The following EPHA4 variants were observed in gnomAD, a reference collection of about 807,000 sequenced individuals.
EPHA4 encodes EPH receptor A4.
In EPHA4, 19 loss-of-function variants were observed where a neutral mutation model predicts 108.3. That is an observed-to-expected ratio of 0.18 (90% CI 0.12 to 0.26). The LOEUF is 0.26. EPHA4 is among the 10% of genes least tolerant of loss of function. The probability of loss-of-function intolerance (pLI) is 1.00; values close to 1 mark genes in which losing one functional copy is unlikely to be tolerated. For synonymous variants in EPHA4, 449 were observed against 455.5 expected, an observed-to-expected ratio of 0.99 and a Z score of 0.18; for missense variants, 917 against 1,254.0, an observed-to-expected ratio of 0.73 and a Z score of 4.06.
In EPHA4 at chr2:221,461,005, T is replaced by A. The variant is rs568505453; in HGVS notation, c.1319-3015A>T. On this transcript the variant is annotated intron_variant, in intron 5 of 17. Coordinates refer to ENST00000281821, the MANE Select transcript of EPHA4 (RefSeq NM_004438.5). ...ATGAAACCCTATAATTACTTGAAAT[T>A]AAATGAACATTGCATGTAAATAAAA... 9.2e-5 allele frequency among the ~76,000 whole-genome samples: 14 copies of A among 152,330 alleles called. 1 individual carries two copies. In the South Asian group the frequency reaches 2.9e-3, roughly 32 times the overall value.
intron 8 of EPHA4, among the ~76,000 whole-genome samples, chr2:221,452,597 G>A (rs551696631): frequency 8.5e-5 from 13 of 152,248 alleles, no homozygotes; most frequent in Non-Finnish European, 1.8e-4. Flanking sequence ...ACAGCTTTAC[G>A]GCCGACACTA....
At chr2:221,481,236 T>A (rs1346989562) in intron 5 of EPHA4, among the ~76,000 whole-genome samples, 1 of 152,170 alleles carries the variant, frequency 6.6e-6, no homozygotes, top group Admixed American at 6.5e-5. Context: ...ATTAACTCAG[T>A]AGAAACACTT....
intron 8 of EPHA4, among the ~76,000 whole-genome samples, chr2:221,454,562 T>C (rs1690881715): frequency 6.6e-6 from 1 of 152,142 alleles, no homozygotes; most frequent in Non-Finnish European, 1.5e-5. Flanking sequence ...GGCTTAGCCC[T>C]TTTTTTCACC....
At chr2:221,503,499 A>T (rs889253307) in intron 3 of EPHA4, among the ~76,000 whole-genome samples, 5 of 152,230 alleles carry the variant, frequency 3.3e-5, no homozygotes, top group Non-Finnish European at 7.3e-5. Flanking sequence ...AACCTGTTTT[A>T]TATATTATGT....
intron 16 of EPHA4, 123 bp from the exon 17 acceptor site, chr2:221,426,265 G>T (rs1207233350): frequency 9.8e-7 from 1 of 1,024,986 alleles, no homozygotes; most frequent in Non-Finnish European, 1.5e-6. Context: ...CAAGGCAGGT[G>T]TATTAAAATG....
chr2:221,558,242 G>A (rs867170883), intron 3 of EPHA4, among the ~76,000 whole-genome samples: 1 of 152,106 alleles, frequency 6.6e-6, no homozygotes, highest in Non-Finnish European at 1.5e-5. Context: ...TGTGAAAAAT[G>A]GTAACTTGTA....
chr2:221,538,933 T>C (rs1444475370), intron 3 of EPHA4, among the ~76,000 whole-genome samples: 1 of 152,214 alleles, frequency 6.6e-6, no homozygotes, highest in Non-Finnish European at 1.5e-5. Context: ...TTAGGTGCTA[T>C]AGTGAATGCA....
intron 2 of EPHA4, among the ~76,000 whole-genome samples, chr2:221,568,506 C>T (rs565291106): frequency 6.6e-6 from 1 of 152,088 alleles, no homozygotes; most frequent in Non-Finnish European, 1.5e-5. Flanking sequence ...TTTTGAAACC[C>T]CTTTCTGCCC....
chr2:221,508,586 GAAAA>G (rs10717814), intron 3 of EPHA4, among the ~76,000 whole-genome samples: 1 of 131,220 alleles, frequency 7.6e-6, no homozygotes, highest in Admixed American at 7.7e-5. Context: ...CTCAAAACAG[GAAAA>G]AAAAAAAAAA....
intron 3 of EPHA4, among the ~76,000 whole-genome samples, chr2:221,532,192 G>C (rs938322602): frequency 6.6e-6 from 1 of 151,676 alleles, no homozygotes; most frequent in Non-Finnish European, 1.5e-5. Context: ...GCATGATCTT[G>C]GCTCACTGCA....
At chr2:221,469,180 T>G (rs1293212887) in intron 5 of EPHA4, among the ~76,000 whole-genome samples, 1 of 152,208 alleles carries the variant, frequency 6.6e-6, no homozygotes, top group Admixed American at 6.5e-5. Flanking sequence ...GTTTTGAAAT[T>G]TATGTTGATA....
chr2:221,529,685 T>C (rs1431668068), intron 3 of EPHA4, among the ~76,000 whole-genome samples: 1 of 152,224 alleles, frequency 6.6e-6, no homozygotes, highest in African/African-American at 2.4e-5. Context: ...CTGAAGGGCA[T>C]AAGCTTGCTC....
At chr2:221,433,481 T>C (rs556289173) in intron 14 of EPHA4, among the ~76,000 whole-genome samples, 44 of 152,318 alleles carry the variant, frequency 2.9e-4, no homozygotes, top group African/African-American at 1.0e-3. Context: ...GGAAGACCCC[T>C]TGATCAATGC....
At chr2:221,465,830 G>C (rs1559252825) in intron 5 of EPHA4, among the ~76,000 whole-genome samples, 1 of 152,294 alleles carries the variant, frequency 6.6e-6, no homozygotes, top group African/African-American at 2.4e-5. Context: ...CCATTGAACT[G>C]GCATTTGGGG....
chr2:221,453,940 G>A (rs187299026), intron 8 of EPHA4, among the ~76,000 whole-genome samples: 1 of 152,224 alleles, frequency 6.6e-6, no homozygotes, highest in East Asian at 1.9e-4. Flanking sequence ...ACTTTGGGAG[G>A]CCGAGGCAGG....
At chr2:221,441,059 G>A (rs540678498) in intron 11 of EPHA4, among the ~76,000 whole-genome samples, 14 of 152,218 alleles carry the variant, frequency 9.2e-5, no homozygotes, top group African/African-American at 3.4e-4. Context: ...TCTTATGTTT[G>A]AGGACCCCTG....
intron 5 of EPHA4, among the ~76,000 whole-genome samples, chr2:221,464,442 G>A (rs563439814): frequency 1.1e-4 from 17 of 152,060 alleles, no homozygotes; most frequent in Non-Finnish European, 2.1e-4. Context: ...TAAGGGTTTC[G>A]CGTCTCTGAG....
In EPHA4 at chr2:221,446,188, A is replaced by C; in HGVS notation, c.1716-7T>G. The C allele has an allele frequency of 6.7e-7, 1 of 1,490,448 alleles. No homozygotes were observed. The highest frequency in any genetic ancestry group is 8.9e-7 in the Non-Finnish European group (1 of 1,118,694). 92.3% of individuals were successfully genotyped at this position (1,490,448 alleles called of 1,614,324 possible). ...TTTACTGTATTTACTCCGTCTATTA[A>C]AATTTTTTTAAAAAAGAGAATTATT... On this transcript the variant is annotated splice_region_variant and splice_polypyrimidine_tract_variant and intron_variant, in intron 8 of 17. Transcript: ENST00000281821.
intron 16 of EPHA4, 64 bp from the exon 17 acceptor site, chr2:221,426,206 G>A: frequency 1.4e-6 from 2 of 1,421,366 alleles, no homozygotes; most frequent in South Asian, 2.3e-5. Flanking sequence ...TCTTTTCTTG[G>A]GCTTCATGCA....
Sources: gnomAD v4.1 joint callset for allele counts (sites outside exome capture counted in the v4.1 genomes callset) on GRCh38, gnomAD v4.1.1 for gene constraint, MANE v1.5 for transcripts, NCBI Gene and HGNC (gene_info 2026-07-23, HGNC 2026-07-21) for gene names.